Variants in MED27 observed in about 807,000 individuals in gnomAD.
MED27 encodes the protein mediator of RNA polymerase II transcription subunit 27.
MED27 carries 30 observed loss-of-function variants against 38.2 expected under a neutral mutation model. The observed-to-expected ratio is 0.79, with a 90% CI of 0.59 to 1.07. MED27 has a LOEUF of 1.07. Ranked by LOEUF, MED27 falls within the 50% of genes least tolerant of loss-of-function variation. MED27 has a pLI of 0.00. For missense variants in MED27, 289 were observed against 397.5 expected (o/e 0.73, Z 2.32); for synonymous variants, 122 against 153.5 (o/e 0.79, Z 1.52).
chr9:132,050,384 G>A (rs992369451), intron 2 of MED27, among the ~76,000 whole-genome samples: 1 of 152,216 alleles, frequency 6.6e-6, no homozygotes, highest in African/African-American at 2.4e-5. Context: ...TAAGGAGGAC[G>A]CTTGTCCACG....
chr9:132,078,611 A>ACCT (rs986090311), intron 1 of MED27, among the ~76,000 whole-genome samples: 8 of 151,404 alleles, frequency 5.3e-5, no homozygotes, highest in South Asian at 2.1e-4. Flanking sequence ...TCATTTGGCC[A>ACCT]CCTCCTCCTC....
At chr9:132,015,287 C>T (rs1412465113) in intron 2 of MED27, among the ~76,000 whole-genome samples, 1 of 152,134 alleles carries the variant, frequency 6.6e-6, no homozygotes, top group African/African-American at 2.4e-5. Flanking sequence ...GCAATTGGAA[C>T]AATGTCATGG....
At chr9:131,974,560 A>G (rs1288216192) in intron 3 of MED27, among the ~76,000 whole-genome samples, 1 of 152,252 alleles carries the variant, frequency 6.6e-6, no homozygotes, top group South Asian at 2.1e-4. Flanking sequence ...TCATTTAAAA[A>G]GTAAGGAAAC....
chr9:132,070,048 G>A (rs1422684853), intron 2 of MED27, among the ~76,000 whole-genome samples: 2 of 152,198 alleles, frequency 1.3e-5, no homozygotes, highest in Non-Finnish European at 2.9e-5. Context: ...CCGGAAGGTG[G>A]AAGCTACTGT....
At chr9:131,964,782 G>A (rs1831304771) in intron 3 of MED27, among the ~76,000 whole-genome samples, 1 of 152,196 alleles carries the variant, frequency 6.6e-6, no homozygotes, top group Non-Finnish European at 1.5e-5. Context: ...CTTTGATGAA[G>A]TCCTTTCCGA....
intron 6 of MED27, among the ~76,000 whole-genome samples, chr9:131,871,699 A>C (rs570568308): frequency 6.6e-6 from 1 of 151,710 alleles, no homozygotes; most frequent in Non-Finnish European, 1.5e-5. Context: ...ACAGACACAC[A>C]CCCCCACGCC....
At chr9:132,001,952 T>A (rs1004092074) in intron 3 of MED27, among the ~76,000 whole-genome samples, 9 of 152,188 alleles carry the variant, frequency 5.9e-5, no homozygotes, top group African/African-American at 2.2e-4. Flanking sequence ...CCCGTAAGAT[T>A]CTAATGTGTA....
At chr9:132,039,891 A>G (rs992630738) in intron 2 of MED27, among the ~76,000 whole-genome samples, 1 of 152,200 alleles carries the variant, frequency 6.6e-6, no homozygotes, top group Non-Finnish European at 1.5e-5. Context: ...TATAAAAGAT[A>G]GTACTTCTGT....
At chr9:131,926,471 C>T (rs967770758) in intron 4 of MED27, among the ~76,000 whole-genome samples, 3 of 152,244 alleles carry the variant, frequency 2.0e-5, no homozygotes, top group Non-Finnish European at 4.4e-5. Flanking sequence ...AGGACGCCAC[C>T]GTCCTTCCCC....
intron 3 of MED27, among the ~76,000 whole-genome samples, chr9:131,965,874 C>G (rs954455818): frequency 1.3e-5 from 2 of 151,848 alleles, no homozygotes; most frequent in African/African-American, 4.8e-5. Context: ...CACCACCACC[C>G]GCTGGGAATT....
chr9:132,078,334 A>G (rs1215665039), intron 1 of MED27, among the ~76,000 whole-genome samples: 1 of 152,192 alleles, frequency 6.6e-6, no homozygotes, highest in Non-Finnish European at 1.5e-5. Flanking sequence ...AGATTTAAGA[A>G]GGCAAAAGGA....
chr9:132,031,631 A>C (rs1832963254), intron 2 of MED27, among the ~76,000 whole-genome samples: 7 of 152,202 alleles, frequency 4.6e-5, no homozygotes, highest in Admixed American at 4.6e-4. Context: ...TCCTCTAAAA[A>C]AAATAAACAA....
At chr9:132,069,588 T>C (rs1036085510) in intron 2 of MED27, among the ~76,000 whole-genome samples, 1 of 152,220 alleles carries the variant, frequency 6.6e-6, no homozygotes, top group Admixed American at 6.5e-5. Flanking sequence ...TCTGAGATGC[T>C]CTGGAGCATA....
intron 2 of MED27, among the ~76,000 whole-genome samples, chr9:132,037,897 T>C (rs1833116695): frequency 6.6e-6 from 1 of 152,144 alleles, no homozygotes; most frequent in South Asian, 2.1e-4. Context: ...ATGCAGGATA[T>C]GTCATCTGCC....
intron 6 of MED27, among the ~76,000 whole-genome samples, chr9:131,866,027 A>G (rs1838731045): frequency 1.3e-5 from 2 of 152,098 alleles, no homozygotes; most frequent in South Asian, 4.1e-4. Context: ...AGGGTCTTGG[A>G]TCCAGCCTAC....
At chr9:131,942,530 T>C (rs752072114) in intron 3 of MED27, among the ~76,000 whole-genome samples, 62 of 152,198 alleles carry the variant, frequency 4.1e-4, no homozygotes, top group Admixed American at 2.7e-3. Context: ...GGGAGGAGGA[T>C]AGGCGATGTC....
Position 132,072,762 on chromosome 9 carries a change from T to C in MED27, c.348+4680A>G, listed in dbSNP as rs1245510408. 2.6e-5 allele frequency among the ~76,000 whole-genome samples: 4 copies of C among 152,116 alleles called. No individual in the cohort carries two copies. In the East Asian group the frequency reaches 7.7e-4, roughly 29 times the overall value. ...TCCTAAAGTCATGATGATTAAATTG[T>C]GAGGGGCATTTAAGTGATTTTCTCT... On this transcript the variant is annotated intron_variant, in intron 2 of 7. Transcript: ENST00000292035.
intron 2 of MED27, among the ~76,000 whole-genome samples, chr9:132,045,315 T>C (rs765640767): frequency 1.3e-5 from 2 of 152,078 alleles, no homozygotes; most frequent in African/African-American, 2.4e-5. Context: ...AGTACATTCA[T>C]ATAATAGAAT....
At chr9:131,993,250 T>A (rs1056681881) in intron 3 of MED27, among the ~76,000 whole-genome samples, 1 of 151,482 alleles carries the variant, frequency 6.6e-6, no homozygotes, top group Non-Finnish European at 1.5e-5. Context: ...TTTTAAAAAA[T>A]TCAAGTTTTT....
Sources: allele counts gnomAD v4.1 joint callset (sites outside exome capture counted in the v4.1 genomes callset), GRCh38; gene constraint gnomAD v4.1.1; transcripts MANE v1.5; gene names NCBI Gene and HGNC (gene_info 2026-07-23, HGNC 2026-07-21).